ADGRE3: variants seen among roughly 807,000 people sequenced by gnomAD.
ADGRE3 encodes the protein EGF-like module receptor 3.
ADGRE3 carries 88 observed loss-of-function variants against 80.1 expected under a neutral mutation model. The ratio of observed to expected loss-of-function variants is 1.10; its 90% CI spans 0.93 to 1.31. ADGRE3 has a LOEUF of 1.31. Among genes scored for constraint, ADGRE3 ranks in the 40% most tolerant of loss-of-function variants. The probability of loss-of-function intolerance (pLI) is 0.00; values close to 1 mark genes in which losing one functional copy is unlikely to be tolerated. For synonymous variants in ADGRE3, 281 were observed against 294.8 expected, an observed-to-expected ratio of 0.95 and a Z score of 0.48; for missense variants, 715 against 776.5, an observed-to-expected ratio of 0.92 and a Z score of 0.94.
rs1568500899 is a variant in ADGRE3, at chr19:14,665,978, A to ATATATATATATG, written c.77-2439_77-2438insCATATATATATA. Among the ~76,000 whole-genome samples, 116 of 128,234 alleles carry ATATATATATATG rather than the reference A, an allele frequency of 9.0e-4. 6 individuals carry two copies. The highest frequency in any genetic ancestry group is 3.1e-3 in the African/African-American group (107 of 34,426). 84.1% of individuals were successfully genotyped at this position (128,234 alleles called of 152,430 possible). Reference sequence around the variant, plus strand: ...TATATATATATATATATATATATATAGTGTTTTCTTTATCCACGTGTTGAT... The same window carrying ATATATATATATG: ...TATATATATATATATATATATATATATATATATATATGGTGTTTTCTTTATCCACGTGTTGAT... On this transcript the variant is annotated intron_variant, in intron 2 of 15. Transcript: ENST00000253673.
At chr19:14,612,929 AT>A in the ADGRE3 span, among the ~76,000 whole-genome samples, 82 of 120,750 alleles carry the variant, frequency 6.8e-4, no homozygotes, top group Admixed American at 1.4e-3. Context: ...CAATCAATTT[AT>A]TTTTTTTTTT....
rs375963633 is a variant in ADGRE3, at chr19:14,653,950, T to G, written c.577+1032A>C. Among the ~76,000 whole-genome samples the G allele has an allele frequency of 1.2e-4, 17 of 147,340 alleles. No homozygotes were observed. In the East Asian group the frequency reaches 3.2e-3, roughly 28 times the overall value. On this transcript the variant is annotated intron_variant, in intron 6 of 15. Transcript: ENST00000253673. ...TCAAAGCCTGCTGTGTGTGTGTTTT[T>G]TTTTTTTTTTTTTTTAATTTAAGAT... is the stretch of plus-strand genomic sequence containing the variant.
At chr19:14,670,915 A>G (rs1972238238) in intron 1 of ADGRE3, among the ~76,000 whole-genome samples, 1 of 152,188 alleles carries the variant, frequency 6.6e-6, no homozygotes, top group Non-Finnish European at 1.5e-5. Context: ...AGTGCTGTTC[A>G]GATTGTAGAC....
chr19:14,641,286 G>A, intron 10 of ADGRE3, 133 bp downstream of exon 10: 1 of 1,077,184 alleles, frequency 9.3e-7, no homozygotes, highest in Non-Finnish European at 1.4e-6. Flanking sequence ...GATCTCAGAA[G>A]GGTAGCGGGA....
chr19:14,655,732 G>A (rs1468436364), intron 5 of ADGRE3, among the ~76,000 whole-genome samples: 1 of 151,968 alleles, frequency 6.6e-6, no homozygotes, highest in African/African-American at 2.4e-5. Flanking sequence ...AAAGTGATGG[G>A]ATTATAGGAG....
intron 2 of ADGRE3, among the ~76,000 whole-genome samples, chr19:14,666,600 C>T (rs1434842501): frequency 6.6e-6 from 1 of 152,168 alleles, no homozygotes; most frequent in African/African-American, 2.4e-5. Flanking sequence ...TGGTCTCAAG[C>T]TCCTGACTTC....
downstream of ADGRE3, among the ~76,000 whole-genome samples, chr19:14,615,381 A>G (rs1382641633): frequency 1.3e-5 from 2 of 151,942 alleles, no homozygotes; most frequent in African/African-American, 4.8e-5. Context: ...CCACTAGGGT[A>G]AAGCTCCACC....
chr19:14,626,995 A>T (rs951188696), intron 14 of ADGRE3, among the ~76,000 whole-genome samples: 1 of 152,220 alleles, frequency 6.6e-6, no homozygotes, highest in African/African-American at 2.4e-5. Flanking sequence ...AACTCCAGGC[A>T]TGTAGAGACA....
chr19:14,628,548 G>C (rs1368199100), intron 14 of ADGRE3: 1 of 176,126 alleles, frequency 5.7e-6, no homozygotes, highest in Non-Finnish European at 1.2e-5. Flanking sequence ...TCCTGCCTCA[G>C]CCTCCTGAAG....
downstream of ADGRE3, among the ~76,000 whole-genome samples, chr19:14,617,747 C>T (rs776896738): frequency 6.6e-6 from 1 of 151,956 alleles, no homozygotes; most frequent in Non-Finnish European, 1.5e-5. Flanking sequence ...ATTAAACACC[C>T]CAGTCTTCCT....
chr19:14,637,698 G>A (rs1443793735), intron 11 of ADGRE3, among the ~76,000 whole-genome samples: 3 of 151,784 alleles, frequency 2.0e-5, no homozygotes, highest in Non-Finnish European at 4.4e-5. Context: ...ACTGTGCTCA[G>A]CTAATTTTTT....
At chr19:14,637,081 C>T (rs551171197) in intron 11 of ADGRE3, among the ~76,000 whole-genome samples, 127 of 152,036 alleles carry the variant, frequency 8.4e-4, no homozygotes, top group South Asian at 4.8e-3. Context: ...GCAACAAGAG[C>T]GAAACTCTGT....
At chr19:14,655,632 T>A (rs892042945) in intron 5 of ADGRE3, among the ~76,000 whole-genome samples, 1 of 146,750 alleles carries the variant, frequency 6.8e-6, no homozygotes, top group Non-Finnish European at 1.5e-5. Flanking sequence ...ATTTTTTTAA[T>A]TTTTTTTTTT....
rs750489395 is a variant in ADGRE3 at position 14,633,217 on chromosome 19, A to G, written c.1551+19T>C. Reference sequence around the variant, plus strand: ...TCTTGGTTCTTCCTAGTTTGGGAACATCGAAGGCACATACTCACAGAGAAA... The same window carrying G: ...TCTTGGTTCTTCCTAGTTTGGGAACGTCGAAGGCACATACTCACAGAGAAA... On this transcript the variant is annotated intron_variant, in intron 12 of 15. Coordinates refer to ENST00000253673, the MANE Select transcript of ADGRE3 (RefSeq NM_032571.5). The G allele has an allele frequency of 3.4e-5, 54 of 1,606,440 alleles. No individual in the cohort carries two copies. Among genetic ancestry groups the G allele is most frequent in the Non-Finnish European group, 4.4e-5 (52 of 1,173,904 alleles).
chr19:14,668,352 A>C (rs1402522539), intron 2 of ADGRE3, among the ~76,000 whole-genome samples: 1 of 151,870 alleles, frequency 6.6e-6, no homozygotes, highest in Non-Finnish European at 1.5e-5. Flanking sequence ...ATAACCAGAC[A>C]AACTTTTTTT....
chr19:14,644,174 C>G lies in ADGRE3; in HGVS notation c.984G>C (p.Lys328Asn). The G allele has an allele frequency of 6.2e-7, 1 of 1,609,236 alleles. No homozygotes were observed. The highest frequency in any genetic ancestry group is 8.5e-7 in the Non-Finnish European group (1 of 1,177,898). ...RDGCFLIHVN[K>N]SHTMCNCSHL... ...GACTGCAATTACACATGGTGTGACTCTTGTTCACGTGTATCAGGAAGCAGC... is the reference window on the plus strand; with the variant it reads ...GACTGCAATTACACATGGTGTGACTGTTGTTCACGTGTATCAGGAAGCAGC... Residue 328 changes from lysine to asparagine, a missense_variant, in exon 9 of 16, where the codon AAG becomes AAC. Transcript: ENST00000253673.
intron 6 of ADGRE3, 29 bp from the exon 7 acceptor site, chr19:14,651,233 G>C: frequency 6.2e-7 from 1 of 1,613,494 alleles, no homozygotes; most frequent in Non-Finnish European, 8.5e-7. Context: ...GGCAGGCTTA[G>C]TGATATTGTA....
At chr19:14,636,142 CTTT>C (rs1971069463) in intron 11 of ADGRE3, among the ~76,000 whole-genome samples, 2 of 84,686 alleles carry the variant, frequency 2.4e-5, no homozygotes, top group Admixed American at 1.5e-4. Context: ...TTCTTTCTTT[CTTT>C]CTTTCTTCCT....
downstream of ADGRE3, among the ~76,000 whole-genome samples, chr19:14,614,367 T>A (rs2075063680): frequency 1.3e-5 from 2 of 152,290 alleles, no homozygotes; most frequent in South Asian, 4.1e-4. Flanking sequence ...TCCCAACCTA[T>A]CTCCCTTCCA....
Sources: gnomAD v4.1 joint callset for allele counts (sites outside exome capture counted in the v4.1 genomes callset) on GRCh38, gnomAD v4.1.1 for gene constraint, MANE v1.5 for transcripts, NCBI Gene and HGNC (gene_info 2026-07-23, HGNC 2026-07-21) for gene names.